Variants in ZFHX3 observed in about 807,000 individuals in gnomAD.
The protein encoded by ZFHX3 is zinc finger homeobox protein 3.
Under a neutral mutation model 279.1 loss-of-function variants are expected in ZFHX3, and 42 were observed. That is an observed-to-expected ratio of 0.15 (90% CI 0.12 to 0.19). The LOEUF (loss-of-function observed/expected upper bound fraction) is 0.19. Among genes scored for constraint, ZFHX3 ranks in the 10% least tolerant of loss-of-function variants. ZFHX3 has a pLI of 1.00. For synonymous variants in ZFHX3, 2,293 were observed against 1,957.8 expected, an observed-to-expected ratio of 1.17 and a Z score of -4.52; for missense variants, 4,981 against 4,754.0, an observed-to-expected ratio of 1.05 and a Z score of -1.40.
chr16:73,001,527 T>C (rs1963496719), intron 1 of ZFHX3, among the ~76,000 whole-genome samples: 1 of 152,156 alleles, frequency 6.6e-6, no homozygotes, highest in Non-Finnish European at 1.5e-5. Context: ...AAAGATATAA[T>C]GGAGGCCAGG....
chr16:73,105,341 GTA>G lies in ZFHX3; in HGVS notation c.-896-11745_-896-11744del, dbSNP rs59245170. Among the ~76,000 whole-genome samples the G allele has an allele frequency of 4.8e-3, 522 of 109,620 alleles. 3 individuals carry two copies. Among genetic ancestry groups the G allele is most frequent in the Middle Eastern group, 0.017 (3 of 176 alleles). The allele number at this position is 109,620 out of a possible 152,430, so 71.9% of individuals were successfully genotyped here. A position where few individuals can be genotyped will look rare whatever the true frequency, so the allele number is the denominator to read the frequency against. On this transcript the variant is annotated intron_variant, in intron 7 of 17. Transcript: ENST00000641206. ...CACACATACACACACACACACGTGT[GTA>G]TATATATATACACATATATATACAC...
chr16:73,830,159 C>T lies in ZFHX3; in HGVS notation c.-1608+61492G>A, dbSNP rs1301556611. Among the ~76,000 whole-genome samples the T allele has an allele frequency of 6.8e-5, 9 of 131,430 alleles. No homozygotes were observed. The South Asian group carries it at 2.1e-3, about 31-fold the overall frequency. The allele number at this position is 131,430 out of a possible 152,430, so 86.2% of individuals were successfully genotyped here. On this transcript the variant is annotated intron_variant, in intron 1 of 17. Coordinates refer to the ZFHX3 transcript ENST00000641206. ...AAGCGCAATATTCGGGTGGGAGTGA[C>T]CCGATTTTCCAGGTGCGTCCGTCAC...
chr16:72,849,860 C>CAAAAAAAAAAA lies in ZFHX3; in HGVS notation c.3449-20012_3449-20002dup, dbSNP rs542156633. Among the ~76,000 whole-genome samples, 6 of 56,564 alleles carry CAAAAAAAAAAA rather than the reference C, an allele frequency of 1.1e-4. 2 individuals are homozygous for CAAAAAAAAAAA. Among genetic ancestry groups the CAAAAAAAAAAA allele is most frequent in the African/African-American group, 2.4e-4 (3 of 12,588 alleles). 37.1% of individuals were successfully genotyped at this position (56,564 alleles called of 152,430 possible). A position where few individuals can be genotyped will look rare whatever the true frequency, so the allele number is the denominator to read the frequency against. ...TCTCTGCCACTTGGAGTTCACCTACCAAAAAAAAAAAAAAAAAAAAAAAAA... is the reference window on the plus strand; with the variant it reads ...TCTCTGCCACTTGGAGTTCACCTACCAAAAAAAAAAAAAAAAAAAAAAAAAAAAAAAAAAAA... On this transcript the variant is annotated intron_variant, in intron 4 of 9. Transcript: ENST00000268489.
chr16:73,664,049 G>C (rs992693086), intron 2 of ZFHX3, among the ~76,000 whole-genome samples: 11 of 152,094 alleles, frequency 7.2e-5, no homozygotes, highest in African/African-American at 2.7e-4. Context: ...AAAGAGAACT[G>C]AATATAAAAT....
At chr16:73,425,229 A>T (rs1323521860) in intron 3 of ZFHX3, among the ~76,000 whole-genome samples, 2 of 152,230 alleles carry the variant, frequency 1.3e-5, no homozygotes, top group South Asian at 2.1e-4. Context: ...CTTTGTAGAC[A>T]TCTATCTCTT....
chr16:72,915,558 A>C (rs1055766279), intron 3 of ZFHX3, among the ~76,000 whole-genome samples: 7 of 152,218 alleles, frequency 4.6e-5, no homozygotes, highest in African/African-American at 1.7e-4. Context: ...CAGGAAGTCG[A>C]GACCAGCCTG....
chr16:73,131,040 C>G (rs1791021131), exon 7 of ZFHX3: 1 of 1,273,442 alleles, frequency 7.9e-7, no homozygotes. Context: ...GGCTCCAATC[C>G]AGGTCCTGTC....
chr16:73,512,238 G>A (rs142356462), intron 2 of ZFHX3, among the ~76,000 whole-genome samples: 12 of 140,340 alleles, frequency 8.6e-5, no homozygotes, highest in Non-Finnish European at 1.8e-4. Flanking sequence ...GACCATCCTG[G>A]CCCACATGGT....
At chr16:73,673,192 C>T (rs1264716778) in intron 2 of ZFHX3, among the ~76,000 whole-genome samples, 1 of 151,908 alleles carries the variant, frequency 6.6e-6, no homozygotes, top group Non-Finnish European at 1.5e-5. Flanking sequence ...AATAGTGGTC[C>T]CCTCTAAGTG....
At chr16:73,122,545 G>A (rs1203713788) in intron 7 of ZFHX3, among the ~76,000 whole-genome samples, 1 of 152,072 alleles carries the variant, frequency 6.6e-6, no homozygotes, top group East Asian at 1.9e-4. Context: ...CTGTCTTGCG[G>A]CTTCCTGGAG....
intron 5 of ZFHX3, among the ~76,000 whole-genome samples, chr16:73,212,019 T>G: frequency 6.6e-6 from 1 of 152,204 alleles, no homozygotes; most frequent in East Asian, 1.9e-4. Context: ...GGGGAAACTA[T>G]GTTTAGACTG....
chr16:72,960,172 G>A lies in ZFHX3; in HGVS notation c.-27C>T. Reference sequence around the variant, plus strand: ...GTAAGGCCTGCGTGGAGCTTTCATTGCACCCAGTACGGAGGCTCGGACCTG... The same window carrying A: ...GTAAGGCCTGCGTGGAGCTTTCATTACACCCAGTACGGAGGCTCGGACCTG... On this transcript the variant is annotated 5_prime_UTR_variant, in exon 2 of 10. It introduces an in-frame stop codon into an upstream open reading frame of the 5' UTR. Coordinates refer to ENST00000268489, the MANE Select transcript of ZFHX3 (RefSeq NM_006885.4). 6.5e-7 allele frequency: 1 copy of A among 1,539,124 alleles called. No homozygotes were observed. The highest frequency in any genetic ancestry group is 1.3e-5 in the South Asian group (1 of 77,500).
At chr16:73,344,636 C>A (rs74430430) in intron 3 of ZFHX3, among the ~76,000 whole-genome samples, 6,191 of 152,124 alleles carry the variant, frequency 0.041, 244 homozygotes, top group South Asian at 0.1. Context: ...GATAAGGAAG[C>A]ACAAAGCCAG....
chr16:72,945,670 CA>C (rs1013603971), intron 3 of ZFHX3, among the ~76,000 whole-genome samples: 2 of 151,710 alleles, frequency 1.3e-5, no homozygotes, highest in East Asian at 3.9e-4. Context: ...TTAAAACAAA[CA>C]AAAAAAATAG....
At chr16:73,164,485 A>C (rs1478431438) in intron 5 of ZFHX3, among the ~76,000 whole-genome samples, 1 of 152,184 alleles carries the variant, frequency 6.6e-6, no homozygotes, top group Non-Finnish European at 1.5e-5. Context: ...GGATCACTTG[A>C]GGCCAGGAGT....
intron 5 of ZFHX3, among the ~76,000 whole-genome samples, chr16:73,241,100 G>A (rs958729957): frequency 6.6e-6 from 1 of 152,184 alleles, no homozygotes; most frequent in Admixed American, 6.5e-5. Context: ...AGACCCCACT[G>A]GAAGCTGAAG....
At chr16:73,519,952 T>C (rs16972088) in intron 2 of ZFHX3, among the ~76,000 whole-genome samples, 8,571 of 152,278 alleles carry the variant, frequency 0.056, 270 homozygotes, top group South Asian at 0.11. Context: ...AGAAAACTTA[T>C]GCCTGTTTTT....
intron 5 of ZFHX3, among the ~76,000 whole-genome samples, chr16:73,153,979 C>A (rs892449613): frequency 4.6e-5 from 7 of 152,256 alleles, no homozygotes; most frequent in Admixed American, 3.9e-4. Flanking sequence ...GCTGGGATTA[C>A]AGGTGTGAGC....
chr16:73,522,254 G>T (rs1355348908), intron 2 of ZFHX3, among the ~76,000 whole-genome samples: 1 of 152,172 alleles, frequency 6.6e-6, no homozygotes, highest in Admixed American at 6.5e-5. Context: ...TACAACCATG[G>T]CTGGAAAAAG....
Sources: gnomAD v4.1 joint callset for allele counts (sites outside exome capture counted in the v4.1 genomes callset) on GRCh38, gnomAD v4.1.1 for gene constraint, MANE v1.5 for transcripts, NCBI Gene and HGNC (gene_info 2026-07-23, HGNC 2026-07-21) for gene names.